Variants in BMPR1A observed in about 807,000 individuals in gnomAD.
BMPR1A encodes the protein bone morphogenetic protein receptor type-1A.
Under a neutral mutation model 66.0 loss-of-function variants are expected in BMPR1A, and 7 were observed. The observed-to-expected ratio is 0.11, with a 90% CI of 0.06 to 0.20. BMPR1A has a LOEUF of 0.20. Among genes scored for constraint, BMPR1A ranks in the 10% least tolerant of loss-of-function variants. The pLI is 1.00. For missense variants in BMPR1A, 408 were observed against 669.1 expected, an observed-to-expected ratio of 0.61 and a Z score of 4.31; for synonymous variants, 200 against 229.7, an observed-to-expected ratio of 0.87 and a Z score of 1.17.
chr10:86,920,172 A>G (rs1021722683), intron 10 of BMPR1A, among the ~76,000 whole-genome samples: 1 of 152,170 alleles, frequency 6.6e-6, no homozygotes, highest in Admixed American at 6.5e-5. Context: ...ACCATATATT[A>G]TATATTTGAT....
intron 1 of BMPR1A, among the ~76,000 whole-genome samples, chr10:86,805,945 A>G (rs11202196): frequency 0.017 from 2,505 of 149,570 alleles, 74 homozygotes; most frequent in African/African-American, 0.06. Flanking sequence ...GGAGGATTCA[A>G]TCTGGAGTCA....
At chr10:86,902,140 G>A (rs1010084523) in intron 7 of BMPR1A, among the ~76,000 whole-genome samples, 5 of 152,120 alleles carry the variant, frequency 3.3e-5, no homozygotes, top group African/African-American at 7.2e-5. Flanking sequence ...AATTACAGGC[G>A]TGAGCCACCG....
chr10:86,796,318 G>A (rs1043164202), intron 1 of BMPR1A, among the ~76,000 whole-genome samples: 1 of 151,910 alleles, frequency 6.6e-6, no homozygotes, highest in African/African-American at 2.4e-5. Flanking sequence ...AGCATTATTT[G>A]TAAGCTATTT....
intron 1 of BMPR1A, among the ~76,000 whole-genome samples, chr10:86,772,848 A>T (rs188679474): frequency 6.6e-6 from 1 of 152,178 alleles, no homozygotes; most frequent in Non-Finnish European, 1.5e-5. Context: ...TACAGAACAA[A>T]TTGAAACACA....
chr10:86,816,850 C>T (rs1024980677), intron 1 of BMPR1A, among the ~76,000 whole-genome samples: 1 of 152,170 alleles, frequency 6.6e-6, no homozygotes, highest in Non-Finnish European at 1.5e-5. Flanking sequence ...TTTATGGGAA[C>T]AGCACCCAAG....
In BMPR1A at chr10:86,874,709, C is replaced by CTTTTTT. The variant is rs200991488; in HGVS notation, c.-152-1137_-152-1132dup. Among the ~76,000 whole-genome samples the CTTTTTT allele has an allele frequency of 7.6e-5, 7 of 92,432 alleles. 1 individual carries two copies. The highest frequency in any genetic ancestry group is 1.1e-4 in the Non-Finnish European group (5 of 47,536). 60.6% of individuals were successfully genotyped at this position (92,432 alleles called of 152,430 possible). On this transcript the variant is annotated intron_variant, in intron 2 of 12. Coordinates refer to ENST00000372037, the MANE Select transcript of BMPR1A (RefSeq NM_004329.3). ...GGCGTGAGTCACTGCACCCGACCTT[C>CTTTTTT]TTTTTTTTTTTTTTTTTTTTTTTTT...
At chr10:86,775,418 C>G (rs1026501835) in intron 1 of BMPR1A, among the ~76,000 whole-genome samples, 1 of 152,136 alleles carries the variant, frequency 6.6e-6, no homozygotes, top group African/African-American at 2.4e-5. Context: ...TATCTCAACA[C>G]GAAAGTCAAA....
At position 86,816,368 on chromosome 10, in the gene BMPR1A, A is replaced by T. The variant is rs181534247; in HGVS notation, c.-267-22497A>T. Among the ~76,000 whole-genome samples, 98 of 152,346 alleles carry T rather than the reference A, an allele frequency of 6.4e-4. 2 individuals are homozygous for T. The East Asian group carries it at 0.016, about 25-fold the overall frequency. On this transcript the variant is annotated intron_variant, in intron 1 of 12. Transcript: ENST00000372037. ...TTTCATGAAGCTGCTTAGAAAATTTAAAATTATACACGTGGTCACATTTGT... is the reference window on the plus strand; with the variant it reads ...TTTCATGAAGCTGCTTAGAAAATTTTAAATTATACACGTGGTCACATTTGT...
intron 1 of BMPR1A, among the ~76,000 whole-genome samples, chr10:86,834,861 T>C (rs1842319218): frequency 6.6e-6 from 1 of 152,124 alleles, no homozygotes; most frequent in South Asian, 2.1e-4. Flanking sequence ...TGTTTTGTAA[T>C]TTGGCTCTTT....
At chr10:86,900,314 A>T (rs1323397486) in intron 7 of BMPR1A, among the ~76,000 whole-genome samples, 188 bp downstream of exon 7, 1 of 152,122 alleles carries the variant, frequency 6.6e-6, no homozygotes, top group Non-Finnish European at 1.5e-5. Flanking sequence ...GCACAATTTC[A>T]TACTTCTTGT....
chr10:86,872,342 A>AAC (rs972020951), intron 2 of BMPR1A, among the ~76,000 whole-genome samples: 2 of 152,152 alleles, frequency 1.3e-5, no homozygotes, highest in East Asian at 3.8e-4. Context: ...TACATTATAT[A>AAC]ATATATATAA....
At chr10:86,919,505 T>G in intron 10 of BMPR1A, 36 bp downstream of exon 10, 1 of 1,605,084 alleles carries the variant, frequency 6.2e-7, no homozygotes, top group Non-Finnish European at 8.5e-7. Flanking sequence ...TTGAAATTAT[T>G]TTAATTTCCA....
At chr10:86,778,497 G>T (rs1328627850) in intron 1 of BMPR1A, among the ~76,000 whole-genome samples, 1 of 151,888 alleles carries the variant, frequency 6.6e-6, no homozygotes, top group Admixed American at 6.6e-5. Context: ...TTCCATCGTG[G>T]CCCAGGGAAG....
At chr10:86,813,632 T>G (rs1320556020) in intron 1 of BMPR1A, among the ~76,000 whole-genome samples, 3 of 152,206 alleles carry the variant, frequency 2.0e-5, no homozygotes, top group Non-Finnish European at 4.4e-5. Context: ...AACCATTCTT[T>G]GCATGCGCTC....
chr10:86,892,043 A>G (rs1392378834), intron 4 of BMPR1A, 84 bp from the exon 5 acceptor site: 1 of 1,026,774 alleles, frequency 9.7e-7, no homozygotes, highest in East Asian at 2.6e-5. Flanking sequence ...GGCCATCTGT[A>G]CCTGTTCACA....
At chr10:86,793,154 AAGTT>A (rs1841656111) in intron 1 of BMPR1A, among the ~76,000 whole-genome samples, 4 of 147,548 alleles carry the variant, frequency 2.7e-5, no homozygotes, top group African/African-American at 1.0e-4. Context: ...GCAAAAAAGA[AAGTT>A]AGCTGGATTT....
At chr10:86,771,710 G>A (rs1172752078) in intron 1 of BMPR1A, among the ~76,000 whole-genome samples, 1 of 152,152 alleles carries the variant, frequency 6.6e-6, no homozygotes, top group Non-Finnish European at 1.5e-5. Flanking sequence ...TATTTAAAAC[G>A]TGGTAGAGAT....
intron 1 of BMPR1A, among the ~76,000 whole-genome samples, chr10:86,825,339 T>G (rs1239621837): frequency 6.6e-6 from 1 of 152,188 alleles, no homozygotes; most frequent in Admixed American, 6.5e-5. Flanking sequence ...TCTTTGTGAA[T>G]TATATATAGT....
chr10:86,919,291 G>A lies in BMPR1A; in HGVS notation c.988G>A (p.Ala330Thr), dbSNP rs927151124. The A allele has an allele frequency of 6.2e-7, 1 of 1,613,952 alleles. No homozygotes were observed. The part of the protein sequence containing the change: ...FLKCATLDTR[A>T]LLKLAYSAAC... ...GAAATGTGCTACACTGGACACCAGA[G>A]CCCTGCTTAAATTGGCTTATTCAGC... The change falls in exon 10 of 13, where the codon GCC becomes ACC. Residue 330 changes from alanine (A) to threonine (T), a missense_variant. Physicochemically the swap from Ala to Thr is moderately conservative, Grantham distance 58. Transcript: ENST00000372037.
Sources: allele counts gnomAD v4.1 joint callset (sites outside exome capture counted in the v4.1 genomes callset), GRCh38; gene constraint gnomAD v4.1.1; transcripts MANE v1.5; gene names NCBI Gene and HGNC (gene_info 2026-07-23, HGNC 2026-07-21).